Variants in B3GLCT observed in about 807,000 individuals in gnomAD.
The protein encoded by B3GLCT is beta-1,3-glucosyltransferase.
A neutral mutation model predicts 63.4 loss-of-function variants in B3GLCT; 65 were observed. That is an observed-to-expected ratio of 1.03 (90% CI 0.84 to 1.26). The LOEUF is 1.26. Ranked by LOEUF, B3GLCT falls within the 50% of genes most tolerant of loss-of-function variation. The pLI is 0.00. For synonymous variants in B3GLCT, 233 were observed against 219.2 expected, an observed-to-expected ratio of 1.06 and a Z score of -0.55; for missense variants, 577 against 604.8, an observed-to-expected ratio of 0.95 and a Z score of 0.48.
At chr13:31,220,837 G>A (rs1869774847) in intron 2 of B3GLCT, among the ~76,000 whole-genome samples, 1 of 152,230 alleles carries the variant, frequency 6.6e-6, no homozygotes, top group African/African-American at 2.4e-5. Context: ...CTGATGGAAA[G>A]TCCAGTTGGC....
At chr13:31,279,197 A>G (rs1566078151) in intron 10 of B3GLCT, among the ~76,000 whole-genome samples, 2 of 152,190 alleles carry the variant, frequency 1.3e-5, no homozygotes, top group Admixed American at 6.5e-5. Flanking sequence ...CACAGGATCT[A>G]AAATACAAAT....
chr13:31,203,118 A>G (rs1422110967), intron 1 of B3GLCT, among the ~76,000 whole-genome samples: 1 of 152,066 alleles, frequency 6.6e-6, no homozygotes, highest in Non-Finnish European at 1.5e-5. Flanking sequence ...GCACCTGCCA[A>G]AATTGGGGAT....
At chr13:31,253,649 A>AAAGCTAAC (rs1317362332) in intron 6 of B3GLCT, among the ~76,000 whole-genome samples, 1 of 150,840 alleles carries the variant, frequency 6.6e-6, no homozygotes, top group African/African-American at 2.4e-5. Context: ...AGCAAATTCA[A>AAAGCTAAC]AAGCTAACAG....
At chr13:31,249,177 C>T (rs967690752) in intron 6 of B3GLCT, among the ~76,000 whole-genome samples, 2 of 152,136 alleles carry the variant, frequency 1.3e-5, no homozygotes, top group Non-Finnish European at 2.9e-5. Context: ...CAACAGTGAT[C>T]GTTAGATTAA....
intron 14 of B3GLCT, among the ~76,000 whole-genome samples, chr13:31,327,555 G>A (rs1875694594): frequency 6.6e-6 from 1 of 152,200 alleles, no homozygotes; most frequent in South Asian, 2.1e-4. Flanking sequence ...ACTTCAGAAA[G>A]TGAAACCATG....
intron 12 of B3GLCT, among the ~76,000 whole-genome samples, chr13:31,292,668 A>AT (rs1238464829): frequency 6.8e-6 from 1 of 146,612 alleles, no homozygotes; most frequent in African/African-American, 2.5e-5. Context: ...CCCCTTTATC[A>AT]TTTTTTATAG....
chr13:31,323,616 G>T, intron 13 of B3GLCT, 135 bp from the exon 14 acceptor site: 1 of 985,792 alleles, frequency 1.0e-6, no homozygotes. Flanking sequence ...GTTTTACCTA[G>T]AGCTCAGTAA....
chr13:31,323,026 T>C (rs1875408642), intron 13 of B3GLCT, among the ~76,000 whole-genome samples: 1 of 152,180 alleles, frequency 6.6e-6, no homozygotes, highest in Non-Finnish European at 1.5e-5. Flanking sequence ...TTTTATACCT[T>C]CCTATTTTGT....
intron 9 of B3GLCT, among the ~76,000 whole-genome samples, chr13:31,274,840 C>T (rs531098134): frequency 1.3e-5 from 2 of 152,146 alleles, no homozygotes; most frequent in Non-Finnish European, 2.9e-5. Context: ...AGTTTTCAAA[C>T]CTTGCTCTTC....
intron 2 of B3GLCT, among the ~76,000 whole-genome samples, chr13:31,221,213 C>G (rs1373750578): frequency 6.6e-6 from 1 of 152,196 alleles, no homozygotes; most frequent in African/African-American, 2.4e-5. Context: ...TTAGATCTAA[C>G]AATTCTATTT....
At chr13:31,276,528 G>A (rs539709650) in intron 9 of B3GLCT, among the ~76,000 whole-genome samples, 174 bp from the exon 10 acceptor site, 9 of 152,128 alleles carry the variant, frequency 5.9e-5, no homozygotes, top group Non-Finnish European at 1.3e-4. Context: ...TGACAGAAAG[G>A]CTATGTTGTC....
chr13:31,223,152 G>A (rs1159276595), intron 3 of B3GLCT, among the ~76,000 whole-genome samples, 161 bp downstream of exon 3: 2 of 152,134 alleles, frequency 1.3e-5, no homozygotes, highest in African/African-American at 2.4e-5. Flanking sequence ...TCCTGAAGAT[G>A]TGGGGCAAAC....
rs552748350 is a variant in B3GLCT, at chr13:31,210,980, C to T, written c.71-4071C>T. Among the ~76,000 whole-genome samples the T allele has an allele frequency of 3.9e-5, 6 of 152,182 alleles. No homozygotes were observed. In the South Asian group the frequency reaches 1.0e-3, roughly 26 times the overall value. ...ACCATCTTGCCCTTTTGACCTCAAGCGATCCTCCTGCCTCAGCCTCCCGAA... is the reference window on the plus strand; with the variant it reads ...ACCATCTTGCCCTTTTGACCTCAAGTGATCCTCCTGCCTCAGCCTCCCGAA... On this transcript the variant is annotated intron_variant, in intron 1 of 14. Transcript: ENST00000343307.
At position 31,331,827 on chromosome 13, in the gene B3GLCT, C is replaced by T. The variant is rs546943188; in HGVS notation, c.*2159C>T. The T allele has an allele frequency of 6.6e-6, 1 of 152,302 alleles. No homozygotes were observed. The highest frequency in any genetic ancestry group is 1.5e-5 in the Non-Finnish European group (1 of 68,020). 9.4% of individuals were successfully genotyped at this position (152,302 alleles called of 1,614,324 possible). A position where few individuals can be genotyped will look rare whatever the true frequency, so the allele number is the denominator to read the frequency against. On this transcript the variant is annotated 3_prime_UTR_variant, in exon 15 of 15. Transcript: ENST00000343307. Reference sequence around the variant, plus strand: ...ATTTCCAGGACCAGATATTGTCTTACTCACATTTCCTTTGCTTTGAAATAG... The same window carrying T: ...ATTTCCAGGACCAGATATTGTCTTATTCACATTTCCTTTGCTTTGAAATAG...
chr13:31,261,136 A>G, intron 7 of B3GLCT, 54 bp downstream of exon 7: 1 of 1,585,368 alleles, frequency 6.3e-7, no homozygotes, highest in South Asian at 1.1e-5. Flanking sequence ...CATCAACTTT[A>G]ATTTCATTGA....
At chr13:31,208,962 G>A (rs1199856343) in intron 1 of B3GLCT, among the ~76,000 whole-genome samples, 4 of 151,894 alleles carry the variant, frequency 2.6e-5, no homozygotes, top group Non-Finnish European at 5.9e-5. Context: ...CTGCCCGGCC[G>A]GGTCACCCCC....
chr13:31,235,874 A>T (rs1201783709), intron 4 of B3GLCT, among the ~76,000 whole-genome samples: 1 of 151,958 alleles, frequency 6.6e-6, no homozygotes, highest in African/African-American at 2.4e-5. Flanking sequence ...TGTTTCTGTG[A>T]ATTTGATTTT....
intron 12 of B3GLCT, among the ~76,000 whole-genome samples, chr13:31,315,665 T>C (rs551807010): frequency 4.5e-4 from 69 of 152,318 alleles, no homozygotes; most frequent in African/African-American, 1.5e-3. Flanking sequence ...TGGGGAGAAA[T>C]TCAAGCCAGC....
intron 6 of B3GLCT, among the ~76,000 whole-genome samples, chr13:31,257,386 T>C (rs1871795808): frequency 1.3e-5 from 2 of 152,100 alleles, no homozygotes; most frequent in African/African-American, 4.8e-5. Context: ...TAAGGTGTTG[T>C]ATTTTTCATC....
Sources: gnomAD v4.1 joint callset for allele counts (sites outside exome capture counted in the v4.1 genomes callset) on GRCh38, gnomAD v4.1.1 for gene constraint, MANE v1.5 for transcripts, NCBI Gene and HGNC (gene_info 2026-07-23, HGNC 2026-07-21) for gene names.